The following ECE1 variants were observed in gnomAD, a reference collection of about 807,000 sequenced individuals.
The protein encoded by ECE1 is endothelin converting enzyme 1.
Under a neutral mutation model 98.6 loss-of-function variants are expected in ECE1, and 35 were observed. The ratio of observed to expected loss-of-function variants is 0.35; its 90% CI spans 0.27 to 0.47. The LOEUF (loss-of-function observed/expected upper bound fraction) is 0.47, where lower values mean the gene tolerates loss of function less well. Among genes scored for constraint, ECE1 ranks in the 20% least tolerant of loss-of-function variants. The pLI is 1.00. For missense variants in ECE1, 814 were observed against 1,025.3 expected, an observed-to-expected ratio of 0.79 and a Z score of 2.81; for synonymous variants, 394 against 407.1, an observed-to-expected ratio of 0.97 and a Z score of 0.39.
At chr1:21,241,847 G>A (rs1265359659) in intron 10 of ECE1, among the ~76,000 whole-genome samples, 2 of 152,196 alleles carry the variant, frequency 1.3e-5, no homozygotes, top group Admixed American at 6.5e-5. Flanking sequence ...TCTCCAAAAG[G>A]AGCGAGGGTC....
intron 1 of ECE1, among the ~76,000 whole-genome samples, chr1:21,326,389 G>A (rs906598387): frequency 6.6e-6 from 1 of 152,018 alleles, no homozygotes; most frequent in Non-Finnish European, 1.5e-5. Context: ...CGGGGGTGCT[G>A]GTCTCTAAGA....
rs140735120 is a variant in ECE1, at chr1:21,236,765, C to T, written c.1469G>A (p.Arg490Gln). Residue 490 changes from arginine to glutamine, a missense_variant, in exon 12 of 19, where the codon CGA becomes CAA. By Grantham distance (43) the Arg-to-Gln change is conservative. Transcript: ENST00000374893. The part of the protein sequence containing the change: ...STLKWMDEET[R>Q]KSAKEKADAI... ...CCTCACCTTTTCCTTGGCTGATTTT[C>T]GGGTTTCCTCATCCATCCACTTCAG... 4.4e-5 allele frequency: 71 copies of T among 1,613,952 alleles called. No homozygotes were observed. Among genetic ancestry groups the T allele is most frequent in the South Asian group, 6.6e-5 (6 of 91,064 alleles).
rs763992641 is a variant in ECE1 at position 21,220,091 on chromosome 1, C to G, written c.2177G>C (p.Gly726Ala). Residue 726 changes from glycine to alanine, a missense_variant, in exon 19 of 19, where the codon GGC (glycine) becomes GCC (alanine). This residue lies in a region of ECE1 where 452 missense variants were observed against 567.3 expected (regional missense o/e 0.80). Coordinates refer to ENST00000374893, the MANE Select transcript of ECE1 (RefSeq NM_001397.3). This position sits in a 1 kb window ranked among gnomAD's most constrained non-coding sequence, Gnocchi z 5.0. ...GGGGCTGTGGGGATCGGTGATGAGGCCTTCGTGGGAGCTCTCAGGTGTGCG... is the reference window on the plus strand; with the variant it reads ...GGGGCTGTGGGGATCGGTGATGAGGGCTTCGTGGGAGCTCTCAGGTGTGCG... ...SVRTPESSHEGLITDPHSPSR... is the reference protein window; with the variant it reads ...SVRTPESSHEALITDPHSPSR... The G allele has an allele frequency of 2.5e-6, 4 of 1,613,810 alleles. No homozygotes were observed. Among genetic ancestry groups the G allele is most frequent in the Non-Finnish European group, 3.4e-6 (4 of 1,179,882 alleles).
chr1:21,272,984 TG>T, intron 3 of ECE1, 73 bp from the exon 4 acceptor site: 3 of 1,562,150 alleles, frequency 1.9e-6, no homozygotes, highest in Non-Finnish European at 2.6e-6. Flanking sequence ...GAAGGGGGCT[TG>T]GGGCCCAGGG....
Position 21,260,431 on chromosome 1 carries a change from C to A in ECE1, c.494-39G>T, listed in dbSNP as rs778895265. ...CAGTGGAGTTTGCAATGCGGCCCCA[C>A]TTGCCCACTGGGTGGCTTTGGGGCA... On this transcript the variant is annotated intron_variant, in intron 4 of 18. Transcript: ENST00000374893. The surrounding 1 kb of genome is among the most constrained non-coding windows in gnomAD (Gnocchi z 4.3). The A allele has an allele frequency of 2.8e-5, 45 of 1,613,588 alleles. No homozygotes were observed. The highest frequency in any genetic ancestry group is 3.6e-5 in the Non-Finnish European group (42 of 1,179,738).
intron 1 of ECE1, among the ~76,000 whole-genome samples, chr1:21,317,323 G>C (rs1353922998): frequency 1.3e-5 from 2 of 152,170 alleles, no homozygotes; most frequent in African/African-American, 4.8e-5. Flanking sequence ...AATTAAACAA[G>C]GTCGTGTCTG....
At chr1:21,226,809 T>C (rs2098174857) in intron 16 of ECE1, among the ~76,000 whole-genome samples, 1 of 152,214 alleles carries the variant, frequency 6.6e-6, no homozygotes, top group Admixed American at 6.5e-5. Context: ...CACTGCAACC[T>C]CCGCCTCCCA....
chr1:21,340,401 A>G lies in ECE1; in HGVS notation c.3+4975T>C, dbSNP rs1172595980. ...TAGAGGAGGACTGGATGGTGCCTGC[A>G]GCACCACCTTTCTCCCAGGGCCACT... On this transcript the variant is annotated intron_variant, in intron 1 of 18. Coordinates refer to the ECE1 transcript ENST00000415912. This position sits in a 1 kb window ranked among gnomAD's most constrained non-coding sequence, Gnocchi z 4.6. 6.6e-6 allele frequency among the ~76,000 whole-genome samples: 1 copy of G among 152,242 alleles called. No homozygotes were observed. The highest frequency in any genetic ancestry group is 6.5e-5 in the Admixed American group (1 of 15,286).
intron 14 of ECE1, among the ~76,000 whole-genome samples, chr1:21,228,844 CTT>C (rs540408679): frequency 1.3e-4 from 12 of 92,570 alleles, no homozygotes; most frequent in Non-Finnish European, 1.2e-4. Flanking sequence ...TGAAGAGTAT[CTT>C]TTTTTTTTTT....
intron 4 of ECE1, among the ~76,000 whole-genome samples, chr1:21,268,200 C>T (rs1193006301): frequency 6.6e-6 from 1 of 152,110 alleles, no homozygotes; most frequent in East Asian, 1.9e-4. Flanking sequence ...TGTAGGCTCT[C>T]TAGCTGGTAG....
intron 4 of ECE1, among the ~76,000 whole-genome samples, chr1:21,265,402 G>A (rs1387963228): frequency 6.6e-6 from 1 of 152,076 alleles, no homozygotes; most frequent in African/African-American, 2.4e-5. Flanking sequence ...TGTGGTGGCG[G>A]GTGCTTGTAG....
At position 21,258,781 on chromosome 1, in the gene ECE1, T is replaced by C. The variant is rs1281711039; in HGVS notation, c.674A>G (p.Gln225Arg). The C allele has an allele frequency of 6.2e-7, 1 of 1,614,088 alleles. No individual in the cohort carries two copies. The highest frequency in any genetic ancestry group is 8.5e-7 in the Non-Finnish European group (1 of 1,180,044). Residue 225 changes from glutamine (Q) to arginine (R), a missense_variant, in exon 6 of 19, where the codon CAG becomes CGG. By Grantham distance (43) the Gln-to-Arg change is conservative (BLOSUM62 1). Coordinates refer to ENST00000374893, the MANE Select transcript of ECE1 (RefSeq NM_001397.3). This position sits in a 1 kb window ranked among gnomAD's most constrained non-coding sequence, Gnocchi z 4.2. ...GGTGCGGTAGTGGGCGGTGACCACC[T>C]GCAGGGTGTCCTGGAAGTTGTCCTT... ...WAKDNFQDTL[Q>R]VVTAHYRTSP...
intron 11 of ECE1, among the ~76,000 whole-genome samples, chr1:21,237,510 A>AATACTG: frequency 6.6e-6 from 1 of 152,298 alleles, no homozygotes; most frequent in East Asian, 1.9e-4. Context: ...GCTGCAGATG[A>AATACTG]CAGCTACATA....
At chr1:21,227,592 A>G (rs901164847) in intron 15 of ECE1, among the ~76,000 whole-genome samples, 2 of 152,192 alleles carry the variant, frequency 1.3e-5, no homozygotes, top group Admixed American at 6.5e-5. Context: ...GGACCACACA[A>G]TCATCCAATA....
chr1:21,219,880 ATGCC>A lies in ECE1; in HGVS notation c.*71_*74del. The A allele has an allele frequency of 6.3e-7, 1 of 1,593,762 alleles. No individual in the cohort carries two copies. The highest frequency in any genetic ancestry group is 8.6e-7 in the Non-Finnish European group (1 of 1,167,864). On this transcript the variant is annotated 3_prime_UTR_variant, in exon 19 of 19. Coordinates refer to ENST00000374893, the MANE Select transcript of ECE1 (RefSeq NM_001397.3). The surrounding 1 kb of genome is among the most constrained non-coding windows in gnomAD (Gnocchi z 4.5). ...CCCGGGTGGCCAAGCGGGCTGAGCA[ATGCC>A]CTGGAGGCTGGATGGGGGTCTCGTC...
intron 10 of ECE1, among the ~76,000 whole-genome samples, chr1:21,240,157 C>G (rs1394703069): frequency 7.2e-6 from 1 of 139,518 alleles, no homozygotes; most frequent in Non-Finnish European, 1.6e-5. Context: ...GGTGACAGAG[C>G]GAGACTGTCT....
chr1:21,243,364 G>T (rs907854357), intron 10 of ECE1, among the ~76,000 whole-genome samples: 1 of 151,056 alleles, frequency 6.6e-6, no homozygotes, highest in Non-Finnish European at 1.5e-5. Flanking sequence ...CAAGCTTGCT[G>T]CTTTCTTTTT....
intron 10 of ECE1, among the ~76,000 whole-genome samples, chr1:21,240,701 C>T (rs891553040): frequency 6.6e-6 from 1 of 152,224 alleles, no homozygotes; most frequent in African/African-American, 2.4e-5. Context: ...CCGCGCCTAC[C>T]CTCCCTCGGC....
Position 21,225,486 on chromosome 1 carries a change from G to T in ECE1, c.1850-46C>A. ...TCATGTCAAGGGAGGGAGGGGCACA[G>T]CAGGGACCTGCTGCTCCTCCCTGCT... On this transcript the variant is annotated intron_variant, in intron 16 of 18. Coordinates refer to ENST00000374893, the MANE Select transcript of ECE1 (RefSeq NM_001397.3). The surrounding 1 kb of genome is among the most constrained non-coding windows in gnomAD (Gnocchi z 5.3). The T allele has an allele frequency of 6.3e-7, 1 of 1,596,792 alleles. No homozygotes were observed.
Sources: gnomAD v4.1 joint callset for allele counts (sites outside exome capture counted in the v4.1 genomes callset) on GRCh38, gnomAD v4.1.1 for gene constraint, gnomAD v4.1.1 regional missense constraint, Gnocchi (gnomAD v3.1) non-coding constraint, MANE v1.5 for transcripts, NCBI Gene and HGNC (gene_info 2026-07-23, HGNC 2026-07-21) for gene names.